Variants in HEATR5A observed in about 807,000 individuals in gnomAD.
HEATR5A encodes HEAT repeat containing 5A, also known as HEAT repeat-containing protein 5A.
Under a neutral mutation model 218.8 loss-of-function variants are expected in HEATR5A, and 178 were observed. The observed-to-expected ratio is 0.81, with a 90% CI of 0.72 to 0.92. HEATR5A has a LOEUF of 0.92. Among genes scored for constraint, HEATR5A ranks in the 40% least tolerant of loss-of-function variants. HEATR5A has a pLI of 0.00. For missense variants in HEATR5A, 2,420 were observed against 2,418.9 expected (o/e 1.00, Z -0.01); for synonymous variants, 864 against 871.6 (o/e 0.99, Z 0.15).
intron 35 of HEATR5A, 69 bp downstream of exon 35, chr14:31,293,822 T>G: frequency 7.7e-7 from 1 of 1,303,598 alleles, no homozygotes; most frequent in Non-Finnish European, 1.1e-6. Flanking sequence ...CTGATTGTTT[T>G]GCAATTTAAA....
intron 6 of HEATR5A, among the ~76,000 whole-genome samples, chr14:31,391,149 C>T (rs189009966): frequency 3.2e-4 from 49 of 152,270 alleles, no homozygotes; most frequent in Admixed American, 5.2e-4. Context: ...AATGTATCTA[C>T]GTTTTAAGCT....
chr14:31,388,828 T>C lies in HEATR5A; in HGVS notation c.933+17A>G. ...GCCAGTAAGAGTTAGACTGAGATAC[T>C]GATTTGTGATTCCAACCTGAGTAAC... On this transcript the variant is annotated intron_variant, in intron 7 of 35. Coordinates refer to ENST00000543095, the MANE Select transcript of HEATR5A (RefSeq NM_015473.4). 6.2e-7 allele frequency: 1 copy of C among 1,608,938 alleles called. No homozygotes were observed. The highest frequency in any genetic ancestry group is 8.5e-7 in the Non-Finnish European group (1 of 1,175,408).
At chr14:31,345,495 C>A (rs1479703971) in intron 19 of HEATR5A, among the ~76,000 whole-genome samples, 1 of 152,116 alleles carries the variant, frequency 6.6e-6, no homozygotes, top group Non-Finnish European at 1.5e-5. Context: ...ATAGTTGGTA[C>A]TTCAGCTAAC....
intron 9 of HEATR5A, 136 bp downstream of exon 9, chr14:31,386,284 C>A: frequency 1.5e-6 from 1 of 649,092 alleles, no homozygotes; most frequent in Non-Finnish European, 2.4e-6. Context: ...TTTAATAATC[C>A]TGATTATAAA....
chr14:31,379,098 T>G (rs1023699850), intron 11 of HEATR5A, among the ~76,000 whole-genome samples: 2 of 150,158 alleles, frequency 1.3e-5, no homozygotes, highest in African/African-American at 4.9e-5. Flanking sequence ...CATGCCACCA[T>G]GTCTGGCTAA....
At chr14:31,365,246 T>C (rs918061393) in intron 13 of HEATR5A, among the ~76,000 whole-genome samples, 11 of 152,334 alleles carry the variant, frequency 7.2e-5, no homozygotes, top group African/African-American at 2.6e-4. Context: ...AGAAGTTTAA[T>C]GAAATTACTT....
intron 1 of HEATR5A, among the ~76,000 whole-genome samples, chr14:31,413,167 T>C (rs992780177): frequency 2.0e-5 from 3 of 152,116 alleles, no homozygotes; most frequent in African/African-American, 7.2e-5. Flanking sequence ...GGGAAGAATG[T>C]TGCCGCTCAC....
At chr14:31,389,747 A>T (rs1159772111) in intron 6 of HEATR5A, among the ~76,000 whole-genome samples, 1 of 152,218 alleles carries the variant, frequency 6.6e-6, no homozygotes, top group Non-Finnish European at 1.5e-5. Context: ...TGTTACAGTT[A>T]TGAACAAAAA....
At chr14:31,339,117 G>C (rs370198756) in intron 21 of HEATR5A, among the ~76,000 whole-genome samples, 9 of 148,382 alleles carry the variant, frequency 6.1e-5, no homozygotes, top group East Asian at 6.0e-4. Flanking sequence ...CTGTGTCTCA[G>C]GAAAAAAAAA....
Position 31,420,158 on chromosome 14 carries a change from T to G in HEATR5A, c.-75+314A>C, listed in dbSNP as rs1477367588. ...GGGCAGAGTCCACGCCTACCTGTTG[T>G]GCACAGGTGAAGCCAGACTTTCCCG... is the stretch of plus-strand genomic sequence containing the variant. On this transcript the variant is annotated intron_variant, in intron 1 of 35. Coordinates refer to ENST00000543095, the MANE Select transcript of HEATR5A (RefSeq NM_015473.4). The G allele has an allele frequency of 2.6e-5, 4 of 152,444 alleles. No individual in the cohort carries two copies. In the East Asian group the frequency reaches 5.8e-4, roughly 22 times the overall value. 9.4% of individuals were successfully genotyped at this position (152,444 alleles called of 1,614,324 possible). A position where few individuals can be genotyped will look rare whatever the true frequency, so the allele number is the denominator to read the frequency against.
intron 30 of HEATR5A, among the ~76,000 whole-genome samples, chr14:31,307,461 TG>T (rs1408476118): frequency 6.6e-6 from 1 of 152,118 alleles, no homozygotes; most frequent in South Asian, 2.1e-4. Context: ...TAAAAAGACC[TG>T]GGGGGAGAAC....
intron 1 of HEATR5A, among the ~76,000 whole-genome samples, chr14:31,413,654 G>A (rs567793685): frequency 6.6e-6 from 1 of 152,178 alleles, no homozygotes; most frequent in Non-Finnish European, 1.5e-5. Context: ...GAGGATCTAC[G>A]TACTAAAACC....
At position 31,308,963 on chromosome 14, in the gene HEATR5A, A is replaced by T; in HGVS notation, c.4661T>A (p.Val1554Asp). 1 of 1,613,818 alleles carries T rather than the reference A, an allele frequency of 6.2e-7. No homozygotes were observed. The highest frequency in any genetic ancestry group is 8.5e-7 in the Non-Finnish European group (1 of 1,179,786). Residue 1554 changes from valine to aspartate, a missense_variant, in exon 29 of 36, where the codon GTC (valine) becomes GAC (aspartate). Coordinates refer to ENST00000543095, the MANE Select transcript of HEATR5A (RefSeq NM_015473.4). ...AATAAGATGGAATCTATCAGTGTAGACATCCTCAGGGGACTTTATGGTAGC... is the reference window on the plus strand; with the variant it reads ...AATAAGATGGAATCTATCAGTGTAGTCATCCTCAGGGGACTTTATGGTAGC... ...SGATIKSPED[V>D]YTDRFHLILG...
At chr14:31,344,506 C>T (rs1167456112) in intron 20 of HEATR5A, among the ~76,000 whole-genome samples, 1 of 36,228 alleles carries the variant, frequency 2.8e-5, no homozygotes, top group African/African-American at 5.7e-5. Context: ...TCTCGAACTC[C>T]TGACCCGATT....
chr14:31,303,689 G>A (rs1416614657), intron 32 of HEATR5A, among the ~76,000 whole-genome samples: 1 of 152,104 alleles, frequency 6.6e-6, no homozygotes, highest in African/African-American at 2.4e-5. Flanking sequence ...ACTCAGATGA[G>A]CTAGAGTTTT....
chr14:31,337,334 T>G (rs1334009532), intron 22 of HEATR5A, 142 bp downstream of exon 22: 2 of 677,638 alleles, frequency 3.0e-6, no homozygotes, highest in Non-Finnish European at 4.8e-6. Flanking sequence ...CATCACTGGT[T>G]GGAATAACTG....
intron 27 of HEATR5A, among the ~76,000 whole-genome samples, chr14:31,313,483 C>G (rs185481414): frequency 1.4e-4 from 22 of 152,280 alleles, no homozygotes; most frequent in African/African-American, 5.1e-4. Context: ...TCTCACTAAG[C>G]CTGGTATGGC....
At chr14:31,318,105 A>C (rs542844076) in intron 26 of HEATR5A, 119 bp downstream of exon 26, 1 of 778,136 alleles carries the variant, frequency 1.3e-6, no homozygotes, top group Non-Finnish European at 2.2e-6. Context: ...TTTAAGAAGA[A>C]AAGTGTAAGC....
chr14:31,347,734 CAT>C lies in HEATR5A; in HGVS notation c.2868+12_2868+13del, dbSNP rs1310195511. 4.5e-6 allele frequency: 7 copies of C among 1,553,994 alleles called. No individual in the cohort carries two copies. The highest frequency in any genetic ancestry group is 1.7e-4 in the Middle Eastern group (1 of 5,864). On this transcript the variant is annotated intron_variant, in intron 19 of 35. Coordinates refer to ENST00000543095, the MANE Select transcript of HEATR5A (RefSeq NM_015473.4). Reference sequence around the variant, plus strand: ...ATCATGAATTTCAAGGGAAGTATCACATGAGGTACCCACCTGCACATCAGGAG... The same window carrying C: ...ATCATGAATTTCAAGGGAAGTATCACGAGGTACCCACCTGCACATCAGGAG...
Sources: gnomAD v4.1 joint callset for allele counts (sites outside exome capture counted in the v4.1 genomes callset) on GRCh38, gnomAD v4.1.1 for gene constraint, MANE v1.5 for transcripts, NCBI Gene and HGNC (gene_info 2026-07-23, HGNC 2026-07-21) for gene names.